The following ASB3 variants were observed in gnomAD, a reference collection of about 807,000 sequenced individuals.
ASB3 encodes the protein ankyrin repeat and SOCS box containing 3.
A neutral mutation model predicts 54.5 loss-of-function variants in ASB3; 41 were observed. The ratio of observed to expected loss-of-function variants is 0.75; its 90% CI spans 0.59 to 0.98. ASB3 has a LOEUF of 0.98. Ranked by LOEUF, ASB3 falls within the 50% of genes least tolerant of loss-of-function variation. The pLI, the probability that ASB3 is intolerant of heterozygous loss-of-function variation, is 0.00. For missense variants in ASB3, 733 were observed against 620.0 expected (o/e 1.18, Z -1.94); for synonymous variants, 266 against 221.2 (o/e 1.20, Z -1.80).
chr2:53,670,970 C>A (rs1667780643), intron 9 of ASB3, among the ~76,000 whole-genome samples: 1 of 152,184 alleles, frequency 6.6e-6, no homozygotes, highest in Non-Finnish European at 1.5e-5. Flanking sequence ...TTAATACCTG[C>A]ACTTAAGAAA....
In ASB3 at chr2:53,714,473, T is replaced by G. The variant is rs1486957447; in HGVS notation, c.891A>C (p.Glu297Asp). Residue 297 changes from glutamate (E) to aspartate (D), a missense_variant, in exon 7 of 10, where the codon GAA becomes GAC. Coordinates refer to ENST00000263634, the MANE Select transcript of ASB3 (RefSeq NM_016115.5). Reference sequence around the variant, plus strand: ...GGCTGTAGCCATTCCGGAGTAATATTTCTAGGCAATCTTCATGTCCCCCAA... The same window carrying G: ...GGCTGTAGCCATTCCGGAGTAATATGTCTAGGCAATCTTCATGTCCCCCAA... ...AVFGGHEDCLEILLRNGYSPD... is the reference protein window; with the variant it reads ...AVFGGHEDCLDILLRNGYSPD... 1.2e-6 allele frequency: 2 copies of G among 1,614,234 alleles called. No individual in the cohort carries two copies. Among genetic ancestry groups the G allele is most frequent in the South Asian group, 2.2e-5 (2 of 91,090 alleles).
chr2:53,758,655 T>C (rs1293755232), intron 2 of ASB3, among the ~76,000 whole-genome samples: 1 of 152,094 alleles, frequency 6.6e-6, no homozygotes, highest in African/African-American at 2.4e-5. Context: ...GGAAAAGGGG[T>C]GCAGGACTGC....
intron 1 of ASB3, among the ~76,000 whole-genome samples, chr2:53,773,053 A>G (rs1019093488): frequency 6.6e-6 from 1 of 152,206 alleles, no homozygotes; most frequent in Admixed American, 6.5e-5. Flanking sequence ...TTTAATAAAC[A>G]AAAATCAAGC....
intron 7 of ASB3, among the ~76,000 whole-genome samples, chr2:53,703,418 CT>C (rs1033256778): frequency 2.2e-4 from 33 of 152,114 alleles, no homozygotes; most frequent in African/African-American, 7.5e-4. Context: ...TTTCAGAACA[CT>C]GATACTGAGC....
rs1670715473 is a variant in ASB3, at chr2:53,721,555, G to A, written c.605-4812C>T. On this transcript the variant is annotated intron_variant, in intron 5 of 9. Transcript: ENST00000263634. ...CACTGCACTCCAGCCTGGCGATAGA[G>A]TGAGACTCTGTCTCAAAATCAAACA... Among the ~76,000 whole-genome samples the A allele has an allele frequency of 3.3e-5, 5 of 152,118 alleles. No homozygotes were observed. The South Asian group carries it at 1.0e-3, about 31-fold the overall frequency.
In ASB3 at chr2:53,714,561, G is replaced by A. The variant is rs531278973; in HGVS notation, c.803C>T (p.Pro268Leu). ...GHTKILDLLIPLTNRACDTGL... is the reference protein window; with the variant it reads ...GHTKILDLLILLTNRACDTGL... Reference sequence around the variant, plus strand: ...AGTGTCACAGGCCCGGTTAGTAAGTGGTATTAACAAGTCCAAGATTCTATA... The same window carrying A: ...AGTGTCACAGGCCCGGTTAGTAAGTAGTATTAACAAGTCCAAGATTCTATA... The change falls in exon 7 of 10, where the codon CCA becomes CTA. Residue 268 changes from proline to leucine, a missense_variant. Physicochemically the swap from Pro to Leu is moderately conservative, Grantham distance 98. Transcript: ENST00000263634. The A allele has an allele frequency of 6.2e-7, 1 of 1,614,008 alleles. No homozygotes were observed. The highest frequency in any genetic ancestry group is 8.5e-7 in the Non-Finnish European group (1 of 1,179,978).
intron 7 of ASB3, among the ~76,000 whole-genome samples, chr2:53,709,457 C>T (rs1275416865): frequency 1.3e-5 from 2 of 152,138 alleles, no homozygotes; most frequent in African/African-American, 4.8e-5. Context: ...GCCTCTACCC[C>T]ATAAACATAC....
At chr2:53,676,206 C>CAT (rs1471979605) in intron 9 of ASB3, among the ~76,000 whole-genome samples, 1 of 152,138 alleles carries the variant, frequency 6.6e-6, no homozygotes, top group Non-Finnish European at 1.5e-5. Flanking sequence ...TGCAAAGACT[C>CAT]TAATATATTT....
At chr2:53,773,889 G>C (rs573009495) in intron 1 of ASB3, among the ~76,000 whole-genome samples, 19 of 152,120 alleles carry the variant, frequency 1.2e-4, no homozygotes, top group African/African-American at 4.1e-4. Context: ...ACAAAAATTA[G>C]CTGGGCATGG....
At chr2:53,687,436 T>G (rs1343782122) in intron 9 of ASB3, among the ~76,000 whole-genome samples, 5 of 152,206 alleles carry the variant, frequency 3.3e-5, no homozygotes. Flanking sequence ...TGTCCAGTTT[T>G]TTAAGATAAC....
intron 2 of ASB3, among the ~76,000 whole-genome samples, chr2:53,756,582 C>T (rs1672839347): frequency 6.6e-6 from 1 of 152,142 alleles, no homozygotes; most frequent in African/African-American, 2.4e-5. Flanking sequence ...GACTTGCCCT[C>T]ACCAATGTGG....
At chr2:53,703,543 G>A (rs191162610) in intron 7 of ASB3, among the ~76,000 whole-genome samples, 19 of 152,294 alleles carry the variant, frequency 1.2e-4, no homozygotes, top group Admixed American at 1.1e-3. Context: ...AGGCTGCGGT[G>A]AGCAATGATT....
At chr2:53,698,446 T>C (rs551171951) in intron 8 of ASB3, among the ~76,000 whole-genome samples, 1 of 152,314 alleles carries the variant, frequency 6.6e-6, no homozygotes, top group African/African-American at 2.4e-5. Flanking sequence ...TCTTCTTCCC[T>C]TCTAATTATA....
intron 7 of ASB3, among the ~76,000 whole-genome samples, chr2:53,704,718 G>C (rs1669676360): frequency 6.6e-6 from 1 of 152,178 alleles, no homozygotes; most frequent in South Asian, 2.1e-4. Context: ...CAACCAGCCA[G>C]ACATTAGATA....
At chr2:53,716,450 T>G in intron 6 of ASB3, 116 bp downstream of exon 6, 1 of 1,292,164 alleles carries the variant, frequency 7.7e-7, no homozygotes, top group Non-Finnish European at 1.1e-6. Context: ...ACCCAGCAGA[T>G]TGGTAGGGAA....
intron 1 of ASB3, among the ~76,000 whole-genome samples, chr2:53,775,565 T>C (rs1221999457): frequency 2.0e-5 from 3 of 152,292 alleles, no homozygotes; most frequent in African/African-American, 7.2e-5. Context: ...AGCCTTCACC[T>C]CCCAGGTTCA....
chr2:53,756,314 G>A (rs1352717674), intron 2 of ASB3, among the ~76,000 whole-genome samples: 2 of 152,116 alleles, frequency 1.3e-5, no homozygotes, highest in African/African-American at 2.4e-5. Flanking sequence ...ATTTACTTGA[G>A]CTACTATATT....
intron 2 of ASB3, chr2:53,763,461 C>A (rs1238302867): frequency 1.8e-5 from 3 of 169,424 alleles, no homozygotes; most frequent in African/African-American, 7.2e-5. Context: ...GATGTGGAAC[C>A]CACAGATACA....
At chr2:53,746,249 T>C (rs183571580) in intron 3 of ASB3, among the ~76,000 whole-genome samples, 341 of 152,094 alleles carry the variant, frequency 2.2e-3, no homozygotes, top group African/African-American at 7.9e-3. Flanking sequence ...GAGCTATGAT[T>C]TTGCCACTGC....
Sources: allele counts gnomAD v4.1 joint callset (sites outside exome capture counted in the v4.1 genomes callset), GRCh38; gene constraint gnomAD v4.1.1; transcripts MANE v1.5; gene names NCBI Gene and HGNC (gene_info 2026-07-23, HGNC 2026-07-21).